The following MAPKAPK3 variants were observed in gnomAD, a reference collection of about 807,000 sequenced individuals.
MAPKAPK3 encodes MAP kinase-activated protein kinase 3.
Under a neutral mutation model 49.2 loss-of-function variants are expected in MAPKAPK3, and 35 were observed. The observed-to-expected ratio is 0.71, with a 90% CI of 0.54 to 0.94. The LOEUF is 0.94. Among genes scored for constraint, MAPKAPK3 ranks in the 40% least tolerant of loss-of-function variants. MAPKAPK3 has a pLI of 0.00. For synonymous variants in MAPKAPK3, 178 were observed against 188.7 expected (o/e 0.94, Z 0.46); for missense variants, 398 against 493.1 (o/e 0.81, Z 1.83).
upstream of MAPKAPK3, chr3:50,611,727 G>A (rs940183848): frequency 1.4e-6 from 2 of 1,420,438 alleles, no homozygotes; most frequent in African/African-American, 3.0e-5. Flanking sequence ...TGGGCGCGGA[G>A]CGCGTGCTGG....
intron 2 of MAPKAPK3, among the ~76,000 whole-genome samples, chr3:50,636,516 G>A (rs1239312034): frequency 6.6e-6 from 1 of 152,230 alleles, no homozygotes; most frequent in African/African-American, 2.4e-5. Flanking sequence ...TTTCTGGGGA[G>A]CTAGGAATGT....
chr3:50,625,504 G>A (rs531211777), intron 2 of MAPKAPK3, among the ~76,000 whole-genome samples: 71 of 152,344 alleles, frequency 4.7e-4, no homozygotes, highest in Non-Finnish European at 9.1e-4. Flanking sequence ...GCAGGAACAC[G>A]AGGCTCCCGT....
At chr3:50,622,626 G>A (rs2032636937) in intron 2 of MAPKAPK3, among the ~76,000 whole-genome samples, 1 of 152,196 alleles carries the variant, frequency 6.6e-6, no homozygotes, top group Non-Finnish European at 1.5e-5. Flanking sequence ...ACTTTTTCCA[G>A]GTTGCACCTT....
At chr3:50,640,119 A>G (rs1176792859) in intron 2 of MAPKAPK3, among the ~76,000 whole-genome samples, 1 of 152,152 alleles carries the variant, frequency 6.6e-6, no homozygotes, top group Admixed American at 6.5e-5. Context: ...AGCCCCTCGA[A>G]GCAGTCAGCC....
chr3:50,615,468 G>A (rs1167253203), upstream of MAPKAPK3, among the ~76,000 whole-genome samples: 2 of 152,244 alleles, frequency 1.3e-5, no homozygotes, highest in Non-Finnish European at 2.9e-5. Context: ...TGTGTGAGGA[G>A]CCAGAAAGGA....
chr3:50,630,444 C>T (rs573968588), intron 2 of MAPKAPK3, among the ~76,000 whole-genome samples: 3 of 152,238 alleles, frequency 2.0e-5, no homozygotes, highest in Non-Finnish European at 4.4e-5. Context: ...GTGCAAACCA[C>T]GTGACCCAGA....
intron 2 of MAPKAPK3, among the ~76,000 whole-genome samples, chr3:50,638,053 G>T (rs1411930397): frequency 6.6e-6 from 1 of 152,124 alleles, no homozygotes; most frequent in African/African-American, 2.4e-5. Context: ...AAGGGGAGAG[G>T]CAGGGCTGAG....
intron 2 of MAPKAPK3, among the ~76,000 whole-genome samples, chr3:50,621,405 A>C (rs1278667422): frequency 6.6e-6 from 1 of 152,152 alleles, no homozygotes; most frequent in Non-Finnish European, 1.5e-5. Context: ...CAACCTGGCC[A>C]ACCTGGCAAA....
At chr3:50,631,859 A>C (rs1326391874) in intron 2 of MAPKAPK3, among the ~76,000 whole-genome samples, 1 of 152,226 alleles carries the variant, frequency 6.6e-6, no homozygotes, top group African/African-American at 2.4e-5. Context: ...TTTCGTGTTG[A>C]GCACGTGCAC....
chr3:50,625,004 C>T (rs2032704211), intron 2 of MAPKAPK3, among the ~76,000 whole-genome samples: 1 of 152,182 alleles, frequency 6.6e-6, no homozygotes, highest in Non-Finnish European at 1.5e-5. Flanking sequence ...AGATGAAAGG[C>T]CCCATCTTGG....
intron 5 of MAPKAPK3, among the ~76,000 whole-genome samples, chr3:50,642,811 C>A (rs189550240): frequency 6.6e-6 from 1 of 152,308 alleles, no homozygotes; most frequent in Admixed American, 6.5e-5. Context: ...AGGCCTCAGG[C>A]AGGGGCTGCC....
chr3:50,643,115 G>A (rs1482954188), intron 5 of MAPKAPK3, among the ~76,000 whole-genome samples: 1 of 152,210 alleles, frequency 6.6e-6, no homozygotes, highest in African/African-American at 2.4e-5. Flanking sequence ...GCCTCGAAAA[G>A]TGCTGGGATT....
At chr3:50,639,991 C>T (rs2033138970) in intron 2 of MAPKAPK3, among the ~76,000 whole-genome samples, 1 of 152,188 alleles carries the variant, frequency 6.6e-6, no homozygotes, top group Non-Finnish European at 1.5e-5. Flanking sequence ...AAAAATGAGG[C>T]TCAAGGGATG....
intron 2 of MAPKAPK3, among the ~76,000 whole-genome samples, chr3:50,636,069 T>C (rs2033034094): frequency 6.6e-6 from 1 of 151,694 alleles, no homozygotes; most frequent in South Asian, 2.1e-4. Context: ...TGTGACTGTG[T>C]CACTGCACTC....
intron 1 of MAPKAPK3, 93 bp from the exon 2 acceptor site, chr3:50,617,421 C>T (rs1027772520): frequency 1.7e-5 from 10 of 589,490 alleles, no homozygotes; most frequent in African/African-American, 9.3e-5. Flanking sequence ...TCCCAGCTTG[C>T]CCCGGGCTCG....
chr3:50,615,378 G>A (rs1050957284), upstream of MAPKAPK3, among the ~76,000 whole-genome samples: 24 of 152,164 alleles, frequency 1.6e-4, no homozygotes, highest in Admixed American at 5.2e-4. Context: ...GTGTTTATAC[G>A]TGTTATATGC....
rs184288602 is a variant in MAPKAPK3, at chr3:50,625,320, C to T, written c.219+7536C>T. Among the ~76,000 whole-genome samples the T allele has an allele frequency of 1.1e-3, 161 of 152,192 alleles. 1 individual carries two copies. Among genetic ancestry groups the T allele is most frequent in the East Asian group, 7.4e-3 (38 of 5,160 alleles). ...GTTTTTATGAGGACTCACTTGGGTG[C>T]GCCCTGCACCTGGGGAACCCAGCCC... On this transcript the variant is annotated intron_variant, in intron 2 of 10. Transcript: ENST00000621469.
chr3:50,613,693 T>A (rs1276768298), upstream of MAPKAPK3: 3 of 152,226 alleles, frequency 2.0e-5, no homozygotes, highest in African/African-American at 7.2e-5. Context: ...CCCCTCACCA[T>A]GACTATTCAA....
chr3:50,646,362 C>T, intron 8 of MAPKAPK3, 98 bp downstream of exon 8: 1 of 1,546,582 alleles, frequency 6.5e-7, no homozygotes, highest in Non-Finnish European at 8.8e-7. Context: ...GTGTTCAAAT[C>T]TTGGCTCCCC....
Sources: allele counts gnomAD v4.1 joint callset (sites outside exome capture counted in the v4.1 genomes callset), GRCh38; gene constraint gnomAD v4.1.1; transcripts MANE v1.5; gene names NCBI Gene and HGNC (gene_info 2026-07-23, HGNC 2026-07-21).